The following ANKRD55 variants were observed in gnomAD, a reference collection of about 807,000 sequenced individuals.
The protein encoded by ANKRD55 is ankyrin repeat domain-containing protein 55.
A neutral mutation model predicts 60.6 loss-of-function variants in ANKRD55; 41 were observed. The observed-to-expected ratio is 0.68, with a 90% CI of 0.53 to 0.88. The LOEUF (loss-of-function observed/expected upper bound fraction) is 0.88, where lower values mean the gene tolerates loss of function less well. Ranked by LOEUF, ANKRD55 falls within the 40% of genes least tolerant of loss-of-function variation. The pLI is 0.00. For missense variants in ANKRD55, 732 were observed against 767.6 expected, an observed-to-expected ratio of 0.95 and a Z score of 0.55; for synonymous variants, 264 against 290.3, an observed-to-expected ratio of 0.91 and a Z score of 0.92.
At chr5:56,192,815 C>A (rs903607251) in intron 2 of ANKRD55, 2 of 812,942 alleles carry the variant, frequency 2.5e-6, no homozygotes, top group Non-Finnish European at 3.9e-6. Flanking sequence ...AGTTAAAATT[C>A]TTTGCTGGGT....
intron 2 of ANKRD55, among the ~76,000 whole-genome samples, chr5:56,205,060 C>CT (rs1200761475): frequency 6.1e-5 from 7 of 114,144 alleles, no homozygotes; most frequent in Admixed American, 2.2e-4. Context: ...GTTTTCTTTT[C>CT]TTTCTTTTTT....
intron 11 of ANKRD55, among the ~76,000 whole-genome samples, chr5:56,101,116 C>T (rs1442037818): frequency 1.3e-5 from 2 of 152,182 alleles, no homozygotes; most frequent in Non-Finnish European, 2.9e-5. Flanking sequence ...TACTAAGACC[C>T]TATTTTTCAT....
At chr5:56,208,547 C>T (rs966623121) in intron 2 of ANKRD55, among the ~76,000 whole-genome samples, 1 of 151,986 alleles carries the variant, frequency 6.6e-6, no homozygotes, top group African/African-American at 2.4e-5. Context: ...GGCTTAGCCT[C>T]CCGAGTAGCT....
chr5:56,111,086 G>T (rs779780930), intron 10 of ANKRD55, 32 bp downstream of exon 10: 9 of 1,593,618 alleles, frequency 5.6e-6, no homozygotes, highest in Non-Finnish European at 6.8e-6. Context: ...TATAGAGCCT[G>T]CTGAGAATGA....
chr5:56,197,669 A>G (rs914266713), intron 2 of ANKRD55, among the ~76,000 whole-genome samples: 19 of 152,146 alleles, frequency 1.2e-4, no homozygotes. Flanking sequence ...GTATGCTTAT[A>G]TTTTCTAGTG....
At chr5:56,130,075 T>C (rs1757370133) in intron 7 of ANKRD55, among the ~76,000 whole-genome samples, 1 of 152,220 alleles carries the variant, frequency 6.6e-6, no homozygotes, top group Non-Finnish European at 1.5e-5. Flanking sequence ...TTAGCCCCTT[T>C]GGACCAAGCT....
At chr5:56,125,247 T>A (rs1757207277) in intron 8 of ANKRD55, among the ~76,000 whole-genome samples, 1 of 152,148 alleles carries the variant, frequency 6.6e-6, no homozygotes, top group Non-Finnish European at 1.5e-5. Context: ...AGGATCAACA[T>A]CTGCTCTTAG....
chr5:56,125,960 C>T (rs1183861662), intron 8 of ANKRD55, among the ~76,000 whole-genome samples: 1 of 151,862 alleles, frequency 6.6e-6, no homozygotes, highest in Non-Finnish European at 1.5e-5. Context: ...ATGGTGAAAC[C>T]CTGTCTCTAA....
chr5:56,168,457 T>C (rs1758535387), intron 5 of ANKRD55, among the ~76,000 whole-genome samples: 1 of 152,194 alleles, frequency 6.6e-6, no homozygotes, highest in South Asian at 2.1e-4. Flanking sequence ...TGTGTTCACA[T>C]TACTCTTATT....
At chr5:56,225,635 G>T (rs1430300736) in intron 2 of ANKRD55, among the ~76,000 whole-genome samples, 1 of 152,162 alleles carries the variant, frequency 6.6e-6, no homozygotes, top group East Asian at 1.9e-4. Context: ...CTTCAGCAAA[G>T]TCTCAGGATA....
chr5:56,160,544 T>C (rs1229606710), intron 5 of ANKRD55, among the ~76,000 whole-genome samples: 1 of 152,218 alleles, frequency 6.6e-6, no homozygotes, highest in East Asian at 1.9e-4. Flanking sequence ...CGGCCACTTA[T>C]TCTTTATTCT....
intron 2 of ANKRD55, among the ~76,000 whole-genome samples, chr5:56,214,279 G>A (rs1368015513): frequency 2.6e-5 from 4 of 152,224 alleles, no homozygotes; most frequent in Non-Finnish European, 4.4e-5. Context: ...TGAAGGCTTG[G>A]AGTGTGGGAT....
At chr5:56,138,127 CTTTT>C (rs70995774) in intron 7 of ANKRD55, among the ~76,000 whole-genome samples, 3 of 129,852 alleles carry the variant, frequency 2.3e-5, no homozygotes, top group African/African-American at 5.8e-5. Context: ...GTTTCTTTTT[CTTTT>C]TTTTTTTTTT....
At chr5:56,112,644 G>C (rs2111680316) in intron 9 of ANKRD55, among the ~76,000 whole-genome samples, 1 of 152,236 alleles carries the variant, frequency 6.6e-6, no homozygotes, top group South Asian at 2.1e-4. Flanking sequence ...AATTATAAAG[G>C]AAAAAGGCCA....
At chr5:56,112,910 G>A (rs924339610) in intron 9 of ANKRD55, among the ~76,000 whole-genome samples, 3 of 152,176 alleles carry the variant, frequency 2.0e-5, no homozygotes, top group Admixed American at 6.5e-5. Flanking sequence ...AGGTCACACA[G>A]TGCATCCTTT....
intron 2 of ANKRD55, among the ~76,000 whole-genome samples, chr5:56,210,241 T>C (rs568768229): frequency 1.3e-4 from 20 of 152,282 alleles, no homozygotes; most frequent in African/African-American, 4.6e-4. Flanking sequence ...ATGAATTATC[T>C]GTTGGTATCC....
chr5:56,146,769 C>T (rs889607478), intron 6 of ANKRD55: 13 of 152,136 alleles, frequency 8.5e-5, no homozygotes, highest in African/African-American at 3.1e-4. Context: ...TGTACTATCT[C>T]ACATCCAATT....
chr5:56,114,173 A>G lies in ANKRD55; in HGVS notation c.966-2391T>C, dbSNP rs748862903. On this transcript the variant is annotated intron_variant, in intron 9 of 11. Transcript: ENST00000341048. ...GAGAAAACCTGTCTCTACTAAAAAT[A>G]CAAAATTAGCCAGGGGTAGTAGCAC... 3.1e-5 allele frequency: 5 copies of G among 160,486 alleles called. No individual in the cohort carries two copies. In the South Asian group the frequency reaches 8.1e-4, roughly 26 times the overall value. The allele number at this position is 160,486 out of a possible 1,614,324, so 9.9% of individuals were successfully genotyped here. A position where few individuals can be genotyped will look rare whatever the true frequency, so the allele number is the denominator to read the frequency against.
intron 2 of ANKRD55, among the ~76,000 whole-genome samples, chr5:56,191,724 A>T (rs529628361): frequency 1.3e-5 from 2 of 152,338 alleles, no homozygotes; most frequent in South Asian, 2.1e-4. Flanking sequence ...AGCACAGTGT[A>T]GGGGGAAAAG....
Sources: gnomAD v4.1 joint callset for allele counts (sites outside exome capture counted in the v4.1 genomes callset) on GRCh38, gnomAD v4.1.1 for gene constraint, MANE v1.5 for transcripts, NCBI Gene and HGNC (gene_info 2026-07-23, HGNC 2026-07-21) for gene names.